Variants in FBXO24 observed in about 807,000 individuals in gnomAD.
The protein encoded by FBXO24 is F-box only protein 24.
In FBXO24, 30 loss-of-function variants were observed where a neutral mutation model predicts 63.5. The observed-to-expected ratio is 0.47, with a 90% CI of 0.35 to 0.64. The LOEUF is 0.64. Ranked by LOEUF, FBXO24 falls within the 30% of genes least tolerant of loss-of-function variation. The pLI is 0.00. For synonymous variants in FBXO24, 300 were observed against 305.0 expected (o/e 0.98, Z 0.17); for missense variants, 624 against 763.4 (o/e 0.82, Z 2.15).
Position 100,601,108 on chromosome 7 carries a change from C to G in FBXO24, c.*209C>G, listed in dbSNP as rs1002609997. 1.7e-5 allele frequency: 6 copies of G among 356,114 alleles called. No individual in the cohort carries two copies. The highest frequency in any genetic ancestry group is 1.0e-3 in the Middle Eastern group (1 of 992). 22.1% of individuals were successfully genotyped at this position (356,114 alleles called of 1,614,324 possible). On this transcript the variant is annotated 3_prime_UTR_variant, in exon 10 of 10. Transcript: ENST00000241071. Reference sequence around the variant, plus strand: ...GAGATTTGATGGATAGAATAAAAGGCTGCAGCGAGGCCTGGTGTGGAAGCC... The same window carrying G: ...GAGATTTGATGGATAGAATAAAAGGGTGCAGCGAGGCCTGGTGTGGAAGCC...
Position 100,594,688 on chromosome 7 carries a change from T to G in FBXO24, c.952+147T>G. 18 of 968,552 alleles carry G rather than the reference T, an allele frequency of 1.9e-5. No homozygotes were observed. Among genetic ancestry groups the G allele is most frequent in the Non-Finnish European group, 2.2e-5 (15 of 695,066 alleles). 60.0% of individuals were successfully genotyped at this position (968,552 alleles called of 1,614,324 possible). ...TGTTTAGGGCCGGCATGGTGACTCATGCCTGTAATCCCATCACTTTGGGAA... is the reference window on the plus strand; with the variant it reads ...TGTTTAGGGCCGGCATGGTGACTCAGGCCTGTAATCCCATCACTTTGGGAA... On this transcript the variant is annotated intron_variant, in intron 6 of 9. Coordinates refer to ENST00000241071, the MANE Select transcript of FBXO24 (RefSeq NM_033506.3). The surrounding 1 kb of genome is among the most constrained non-coding windows in gnomAD (Gnocchi z 4.2).
At chr7:100,597,420 T>G (rs1299826396) in intron 8 of FBXO24, among the ~76,000 whole-genome samples, 1 of 152,096 alleles carries the variant, frequency 6.6e-6, no homozygotes, top group East Asian at 1.9e-4. Flanking sequence ...ATTTTCAAGA[T>G]AGAGTCTTGC....
In FBXO24 at chr7:100,595,714, T is replaced by A; in HGVS notation, c.1206+8T>A. The A allele has an allele frequency of 6.3e-7, 1 of 1,587,120 alleles. No homozygotes were observed. Among genetic ancestry groups the A allele is most frequent in the Non-Finnish European group, 8.6e-7 (1 of 1,162,510 alleles). On this transcript the variant is annotated splice_region_variant and intron_variant, in intron 8 of 9. Coordinates refer to ENST00000241071, the MANE Select transcript of FBXO24 (RefSeq NM_033506.3). Reference sequence around the variant, plus strand: ...CGAGGGGAACCCACACAGGTGAGACTATTTCCCAGCAACTCTCATCCCAAC... The same window carrying A: ...CGAGGGGAACCCACACAGGTGAGACAATTTCCCAGCAACTCTCATCCCAAC...
At chr7:100,593,348 T>G (rs1477842286) in intron 5 of FBXO24, among the ~76,000 whole-genome samples, 1 of 151,300 alleles carries the variant, frequency 6.6e-6, no homozygotes, top group Non-Finnish European at 1.5e-5. Flanking sequence ...ATACAAAAAT[T>G]AGGTCGGGTG....
chr7:100,586,782 C>A, intron 1 of FBXO24, 118 bp downstream of exon 1: 2 of 1,148,550 alleles, frequency 1.7e-6, no homozygotes, highest in Non-Finnish European at 2.6e-6. Flanking sequence ...GGCTAGCCGG[C>A]GTCCAGGGCT....
chr7:100,599,973 C>G, intron 8 of FBXO24, 58 bp from the exon 9 acceptor site: 1 of 1,434,582 alleles, frequency 7.0e-7, no homozygotes, highest in Non-Finnish European at 9.6e-7. Flanking sequence ...CTTTTCCCAC[C>G]CCAGCCCCCC....
intron 4 of FBXO24, among the ~76,000 whole-genome samples, 200 bp from the exon 5 acceptor site, chr7:100,592,583 C>T (rs1039791902): frequency 1.3e-5 from 2 of 152,152 alleles, no homozygotes; most frequent in Non-Finnish European, 2.9e-5. Context: ...ATCACCACCT[C>T]TCTTTTGAGG....
chr7:100,589,666 G>A (rs766541851), intron 1 of FBXO24: 10 of 1,504,770 alleles, frequency 6.6e-6, no homozygotes, highest in African/African-American at 4.2e-5. Flanking sequence ...CAGCAGGAAC[G>A]GGGGGGCCAA....
intron 1 of FBXO24, among the ~76,000 whole-genome samples, chr7:100,587,664 G>T (rs1801822271): frequency 7.3e-6 from 1 of 137,718 alleles, no homozygotes; most frequent in Non-Finnish European, 1.5e-5. Context: ...CAGTGGTGCA[G>T]TCATGGCTCA....
In FBXO24 at chr7:100,592,059, G is replaced by A. The variant is rs147054366; in HGVS notation, c.558+157G>A. On this transcript the variant is annotated intron_variant, in intron 4 of 9. Coordinates refer to ENST00000241071, the MANE Select transcript of FBXO24 (RefSeq NM_033506.3). The stretch of plus-strand genomic sequence containing the variant: ...GCGGATCAGCTGAGACCAGGAGTTC[G>A]AGACCAGCCTGGCCAAATGGCGAAA... 80 of 681,186 alleles carry A rather than the reference G, an allele frequency of 1.2e-4. No homozygotes were observed. In the African/African-American group the frequency reaches 1.3e-3, roughly 11 times the overall value. The allele number at this position is 681,186 out of a possible 1,614,324, so 42.2% of individuals were successfully genotyped here. A position where few individuals can be genotyped will look rare whatever the true frequency, so the allele number is the denominator to read the frequency against.
intron 1 of FBXO24, among the ~76,000 whole-genome samples, chr7:100,587,212 C>A (rs1203557382): frequency 6.6e-6 from 1 of 152,216 alleles, no homozygotes; most frequent in Non-Finnish European, 1.5e-5. Flanking sequence ...ACGCACAGCC[C>A]TTTCCCGCTC....
chr7:100,590,233 C>T lies in FBXO24; in HGVS notation c.198C>T (p.Cys66=). The T allele has an allele frequency of 6.2e-7, 1 of 1,614,174 alleles. No individual in the cohort carries two copies. Among genetic ancestry groups the T allele is most frequent in the Non-Finnish European group, 8.5e-7 (1 of 1,180,010 alleles). The stretch of plus-strand genomic sequence containing the variant: ...ACCTTGTTGCCCTCGGCCAGACCTG[C>T]CGCTACTTCCACGAAGTGTGCGATG... ...VRDLVALGQT[C]RYFHEVCDGE... is the part of the protein sequence containing the mutation. The change falls in exon 3 of 10, where the codon TGC becomes TGT. Residue 66 remains cysteine (C), a synonymous_variant. Transcript: ENST00000241071.
chr7:100,589,516 A>T, intron 1 of FBXO24: 2 of 1,356,986 alleles, frequency 1.5e-6, no homozygotes, highest in Middle Eastern at 5.5e-4. Context: ...GGGCAAGATT[A>T]AAGGGAACAG....
intron 1 of FBXO24, among the ~76,000 whole-genome samples, chr7:100,588,118 A>G (rs1449549204): frequency 1.3e-5 from 2 of 151,436 alleles, no homozygotes; most frequent in Non-Finnish European, 2.9e-5. Context: ...GGCTCAAGCA[A>G]TGCTCCCACC....
chr7:100,587,621 A>G (rs1173606097), intron 1 of FBXO24, among the ~76,000 whole-genome samples: 2 of 115,264 alleles, frequency 1.7e-5, no homozygotes, highest in Non-Finnish European at 3.5e-5. Context: ...TTTTTTTTTA[A>G]GAAGGTCTGA....
At position 100,590,045 on chromosome 7, in the gene FBXO24, G is replaced by T; in HGVS notation, c.108G>T (p.Pro36=). The change falls in exon 2 of 10, where the codon CCG becomes CCT. Residue 36 remains proline, a synonymous_variant. Coordinates refer to ENST00000241071, the MANE Select transcript of FBXO24 (RefSeq NM_033506.3). ...GVEEKRGKGN[P]ISIQLFPPEL... is the part of the protein sequence containing the mutation. ...AAGAGAAGAGGGGGAAAGGAAATCC[G>T]ATTTCCATCCAGTTGTTCCCCCCAG... 6.2e-7 allele frequency: 1 copy of T among 1,613,638 alleles called. No individual in the cohort carries two copies. The highest frequency in any genetic ancestry group is 1.1e-5 in the South Asian group (1 of 90,996).
intron 5 of FBXO24, 181 bp downstream of exon 5, chr7:100,593,198 T>C (rs1802117093): frequency 5.3e-6 from 3 of 568,078 alleles, no homozygotes; most frequent in East Asian, 3.0e-5. Context: ...ATATTTTATA[T>C]GAATAAAAGG....
In FBXO24 at chr7:100,591,894, G is replaced by A; in HGVS notation, c.550G>A (p.Ala184Thr). Residue 184 changes from alanine to threonine, a missense_variant, in exon 4 of 10, where the codon GCC (alanine) becomes ACC (threonine). By Grantham distance (58) the Ala-to-Thr change is moderately conservative (BLOSUM62 0). Around this residue, in one of 3 missense-constraint regions of FBXO24, gnomAD observed 391 missense variants for 469.1 expected, o/e 0.83. Coordinates refer to ENST00000241071, the MANE Select transcript of FBXO24 (RefSeq NM_033506.3). ...TCGCTATGTTGTGTTGTGTCGTGGA[G>A]CCAAGGATGTGAGTAGCAGAACCCT... ...ACRYVVLCRG[A>T]KDFASDPRCD... 1 of 1,614,196 alleles carries A rather than the reference G, an allele frequency of 6.2e-7. No homozygotes were observed. The highest frequency in any genetic ancestry group is 1.1e-5 in the South Asian group (1 of 91,086).
In FBXO24 at chr7:100,586,401, C is replaced by A. The variant is rs972328523; in HGVS notation, c.-225C>A. On this transcript the variant is annotated 5_prime_UTR_variant, in exon 1 of 10. The change creates a premature stop within an existing upstream ORF in the 5' untranslated region. Transcript: ENST00000241071. ...CTGCACCCAATCACAATGCTCAGAT[C>A]GGGAGGTGGAGCCAATCAGGTCCAA... The A allele has an allele frequency of 3.1e-6, 2 of 635,278 alleles. No homozygotes were observed. Among genetic ancestry groups the A allele is most frequent in the Non-Finnish European group, 5.5e-6 (2 of 363,796 alleles). The allele number at this position is 635,278 out of a possible 1,614,324, so 39.4% of individuals were successfully genotyped here.
Sources: allele counts gnomAD v4.1 joint callset (sites outside exome capture counted in the v4.1 genomes callset), GRCh38; gene constraint gnomAD v4.1.1; regional missense constraint gnomAD v4.1.1; non-coding constraint Gnocchi (gnomAD v3.1); transcripts MANE v1.5; gene names NCBI Gene and HGNC (gene_info 2026-07-23, HGNC 2026-07-21).